Variants in RERE observed in about 807,000 individuals in gnomAD.
RERE encodes arginine-glutamic acid dipeptide repeats protein.
Under a neutral mutation model 146.1 loss-of-function variants are expected in RERE, and 40 were observed. The observed-to-expected ratio is 0.27, with a 90% confidence interval of 0.21 to 0.36. The LOEUF is 0.36. RERE is among the 10% of genes least tolerant of loss of function. The pLI is 1.00. For synonymous variants in RERE, 1,003 were observed against 866.0 expected (o/e 1.16, Z -2.78); for missense variants, 1,933 against 2,138.7 (o/e 0.90, Z 1.90).
At chr1:8,611,371 G>C (rs1292522022) in intron 4 of RERE, among the ~76,000 whole-genome samples, 2 of 151,452 alleles carry the variant, frequency 1.3e-5, no homozygotes, top group African/African-American at 4.9e-5. Context: ...AGGTGTGGTA[G>C]CCCACACCTG....
chr1:8,547,844 CAATCCCACTATTATA>C (rs1302516752), intron 6 of RERE, among the ~76,000 whole-genome samples: 1 of 152,208 alleles, frequency 6.6e-6, no homozygotes, highest in Non-Finnish European at 1.5e-5. Flanking sequence ...TTCAACCCAG[CAATCCCACTATTATA>C]AATGCACCCT....
rs773570519 is a variant in RERE, at chr1:8,360,265, G to A, written c.3242C>T (p.Ala1081Val). 139 of 1,571,654 alleles carry A rather than the reference G, an allele frequency of 8.8e-5. No individual in the cohort carries two copies. The African/African-American group carries it at 1.0e-3, about 11-fold the overall frequency. The part of the protein sequence containing the change: ...SGAAASGGSI[A>V]GGSSCPLPTV... Reference sequence around the variant, plus strand: ...GGGGAGTGGGCAGGACGACCCCCCCGCTATGCTGCCTCCTGAAGCCGCCGC... The same window carrying A: ...GGGGAGTGGGCAGGACGACCCCCCCACTATGCTGCCTCCTGAAGCCGCCGC... The change falls in exon 18 of 23, where the codon GCG becomes GTG. Residue 1081 changes from alanine to valine, a missense_variant. Ala to Val is a moderately conservative substitution (Grantham distance 64, BLOSUM62 0). Coordinates refer to ENST00000400908, the MANE Select transcript of RERE (RefSeq NM_001042681.2).
chr1:8,763,570 G>C (rs1384269159), intron 1 of RERE, among the ~76,000 whole-genome samples: 2 of 152,182 alleles, frequency 1.3e-5, no homozygotes, highest in African/African-American at 2.4e-5. Context: ...GGGAGGCAGA[G>C]GTTGCAGTGA....
At chr1:8,621,242 C>T (rs960786857) in intron 3 of RERE, among the ~76,000 whole-genome samples, 20 of 152,232 alleles carry the variant, frequency 1.3e-4, no homozygotes, top group African/African-American at 4.3e-4. Flanking sequence ...ATACCACAGA[C>T]TCGATTCTAA....
chr1:8,532,885 G>A (rs1220575440), intron 7 of RERE, among the ~76,000 whole-genome samples: 4 of 151,774 alleles, frequency 2.6e-5, no homozygotes, highest in Admixed American at 6.6e-5. Context: ...ATAAGCCACT[G>A]CCCCTGGCCC....
intron 5 of RERE, 27 bp downstream of exon 5, chr1:8,557,391 C>T (rs774294520): frequency 1.4e-6 from 2 of 1,406,200 alleles, no homozygotes; most frequent in East Asian, 2.3e-5. Context: ...AAGAAACACA[C>T]AAATCAAACC....
intron 1 of RERE, among the ~76,000 whole-genome samples, chr1:8,790,876 G>A (rs371509527): frequency 5.3e-5 from 8 of 152,158 alleles, no homozygotes; most frequent in African/African-American, 1.2e-4. Context: ...ATGAGCCACC[G>A]CACCCGGCCC....
intron 10 of RERE, among the ~76,000 whole-genome samples, chr1:8,484,484 A>T (rs1325256528): frequency 6.7e-6 from 1 of 149,316 alleles, no homozygotes; most frequent in East Asian, 2.0e-4. Context: ...GGAGTGCAGT[A>T]GCGCCATCTC....
chr1:8,509,877 T>C (rs573658670), intron 7 of RERE, among the ~76,000 whole-genome samples: 1 of 152,246 alleles, frequency 6.6e-6, no homozygotes, highest in Non-Finnish European at 1.5e-5. Flanking sequence ...ATGGATCTGA[T>C]ACCCATACCC....
At chr1:8,766,417 A>G (rs1023707375) in intron 1 of RERE, among the ~76,000 whole-genome samples, 2 of 151,850 alleles carry the variant, frequency 1.3e-5, no homozygotes, top group African/African-American at 4.8e-5. Flanking sequence ...GCACGCACCT[A>G]TAATCCCAGC....
At chr1:8,557,595 C>A in intron 4 of RERE, 72 bp from the exon 5 acceptor site, 2 of 941,184 alleles carry the variant, frequency 2.1e-6, no homozygotes, top group South Asian at 1.3e-5. Context: ...TACCCATGAC[C>A]AAAAGCCCCT....
intron 12 of RERE, among the ~76,000 whole-genome samples, chr1:8,421,648 C>A (rs1643911387): frequency 6.6e-6 from 1 of 151,990 alleles, no homozygotes; most frequent in Non-Finnish European, 1.5e-5. Flanking sequence ...CAGTAAGTGT[C>A]CAGAAAAACA....
chr1:8,380,168 C>T (rs1642396452), intron 12 of RERE, among the ~76,000 whole-genome samples: 1 of 152,158 alleles, frequency 6.6e-6, no homozygotes, highest in Admixed American at 6.5e-5. Context: ...GCAAAGGTGC[C>T]CTTGGCCCTC....
intron 1 of RERE, among the ~76,000 whole-genome samples, chr1:8,721,016 C>T (rs1335330187): frequency 6.6e-6 from 1 of 152,066 alleles, no homozygotes; most frequent in Non-Finnish European, 1.5e-5. Context: ...AGATCACCAC[C>T]ACACACCAGC....
intron 11 of RERE, among the ~76,000 whole-genome samples, chr1:8,461,341 T>C (rs1459392014): frequency 1.3e-5 from 2 of 152,114 alleles, no homozygotes; most frequent in Admixed American, 1.3e-4. Context: ...TAACCATCAA[T>C]GTAACTCTCA....
intron 1 of RERE, among the ~76,000 whole-genome samples, chr1:8,713,442 T>C (rs1018420513): frequency 1.3e-5 from 2 of 152,134 alleles, no homozygotes; most frequent in African/African-American, 4.8e-5. Flanking sequence ...TTTTTTTAAT[T>C]AAAAACTTTG....
intron 1 of RERE, among the ~76,000 whole-genome samples, chr1:8,686,711 T>C (rs954064220): frequency 2.0e-5 from 3 of 152,030 alleles, no homozygotes; most frequent in Admixed American, 6.5e-5. Context: ...GATTACGCCA[T>C]TGTACTGCAG....
intron 1 of RERE, among the ~76,000 whole-genome samples, chr1:8,777,003 C>A (rs1409920108): frequency 6.6e-6 from 1 of 152,042 alleles, no homozygotes; most frequent in East Asian, 1.9e-4. Flanking sequence ...TGCCAAAATG[C>A]AAGGATTACA....
chr1:8,472,433 A>G (rs1452338326), intron 10 of RERE, among the ~76,000 whole-genome samples: 2 of 152,352 alleles, frequency 1.3e-5, no homozygotes, highest in South Asian at 4.1e-4. Context: ...TAATGTGAAT[A>G]AGATTTTCTA....
Sources: gnomAD v4.1 joint callset for allele counts (sites outside exome capture counted in the v4.1 genomes callset) on GRCh38, gnomAD v4.1.1 for gene constraint, MANE v1.5 for transcripts, NCBI Gene and HGNC (gene_info 2026-07-23, HGNC 2026-07-21) for gene names.